The following CNTNAP3B variants were observed in gnomAD, a reference collection of about 807,000 sequenced individuals.
CNTNAP3B encodes contactin associated protein family member 3B, also known as contactin-associated protein-like 3B.
CNTNAP3B carries 25 observed loss-of-function variants against 108.9 expected under a neutral mutation model. That is an observed-to-expected ratio of 0.23 (90% confidence interval 0.17 to 0.32). The LOEUF is 0.32. Ranked by LOEUF, CNTNAP3B falls within the 10% of genes least tolerant of loss-of-function variation. The probability of loss-of-function intolerance (pLI) is 1.00; values close to 1 mark genes in which losing one functional copy is unlikely to be tolerated. For synonymous variants in CNTNAP3B, 103 were observed against 473.4 expected, an observed-to-expected ratio of 0.22 and a Z score of 10.16; for missense variants, 252 against 1,210.4, an observed-to-expected ratio of 0.21 and a Z score of 11.75.
chr9:42,041,290 G>A (rs942945466), intron 3 of CNTNAP3B, among the ~76,000 whole-genome samples: 1 of 144,074 alleles, frequency 6.9e-6, no homozygotes, highest in African/African-American at 2.7e-5. Context: ...TACCATCAGA[G>A]TGAACAGGCA....
At chr9:42,125,665 G>GTTTTTTTTTTTTTTTTTTTT (rs200934708) in intron 1 of CNTNAP3B, among the ~76,000 whole-genome samples, 1 of 118,972 alleles carries the variant, frequency 8.4e-6, no homozygotes. Flanking sequence ...TACATTTTTT[G>GTTTTTTTTTTTTTTTTTTTT]TTTTTTTTTT....
intron 13 of CNTNAP3B, among the ~76,000 whole-genome samples, chr9:41,942,115 G>A (rs1824365503): frequency 6.6e-6 from 1 of 152,286 alleles, no homozygotes; most frequent in Non-Finnish European, 1.5e-5. Flanking sequence ...AGGAAGCTGA[G>A]AAGCACTCTG....
At chr9:41,950,648 T>C (rs1282043451) in intron 13 of CNTNAP3B, among the ~76,000 whole-genome samples, 1 of 150,396 alleles carries the variant, frequency 6.6e-6, no homozygotes, top group Non-Finnish European at 1.5e-5. Context: ...ACATACTATA[T>C]AATTTCATTT....
At chr9:41,948,123 G>A (rs1434205623) in intron 13 of CNTNAP3B, among the ~76,000 whole-genome samples, 29 of 150,508 alleles carry the variant, frequency 1.9e-4, no homozygotes, top group South Asian at 6.3e-4. Flanking sequence ...ATGAAATCTC[G>A]TTCTGTTGTC....
chr9:41,979,754 T>G (rs1204646721), intron 9 of CNTNAP3B: 3 of 92,322 alleles, frequency 3.2e-5, no homozygotes, highest in Admixed American at 1.4e-4. Flanking sequence ...TAAATTTTTT[T>G]TGTGTGTGTA....
Position 42,107,959 on chromosome 9 carries a change from A to G in CNTNAP3B, c.86-3220T>C, listed in dbSNP as rs187831605. Among the ~76,000 whole-genome samples the G allele has an allele frequency of 8.5e-3, 950 of 111,270 alleles. 107 individuals are homozygous for G. The highest frequency in any genetic ancestry group is 0.033 in the African/African-American group (915 of 27,370). 73.0% of individuals were successfully genotyped at this position (111,270 alleles called of 152,430 possible). A position where few individuals can be genotyped will look rare whatever the true frequency, so the allele number is the denominator to read the frequency against. ...CAGTACACTCTAGGCTGGGCGACAG[A>G]GAAAGACTCCGTCTTAAAAAAAAAA... On this transcript the variant is annotated intron_variant, in intron 1 of 23. Transcript: ENST00000377561.
intron 1 of CNTNAP3B, among the ~76,000 whole-genome samples, chr9:42,117,321 CTG>C (rs1458340291): frequency 7.5e-6 from 1 of 133,900 alleles, no homozygotes; most frequent in Non-Finnish European, 1.6e-5. Context: ...TTATAACAAA[CTG>C]TCTCTCAGAC....
chr9:41,928,154 G>C (rs1823871095), intron 15 of CNTNAP3B, among the ~76,000 whole-genome samples: 1 of 152,276 alleles, frequency 6.6e-6, no homozygotes, highest in Non-Finnish European at 1.5e-5. Context: ...CACCCTACTT[G>C]CAAGCTAACA....
chr9:42,118,346 G>A (rs909652997), intron 1 of CNTNAP3B, among the ~76,000 whole-genome samples: 1 of 139,526 alleles, frequency 7.2e-6, no homozygotes, highest in African/African-American at 2.8e-5. Flanking sequence ...GCGGGCTTCA[G>A]CCCTGGGACG....
intron 3 of CNTNAP3B, among the ~76,000 whole-genome samples, chr9:42,062,977 C>T (rs1285826567): frequency 1.0e-5 from 1 of 98,654 alleles, no homozygotes; most frequent in Non-Finnish European, 2.2e-5. Context: ...TATTGTGTAA[C>T]CCTTAATGAA....
chr9:42,034,784 C>CT lies in CNTNAP3B; in HGVS notation c.391-21260_391-21259insA, dbSNP rs1187892460. The stretch of plus-strand genomic sequence containing the variant: ...CTGTCCCTTCAAGCCCCCATCCATT[C>CT]ACTCTACATCATGACTCCTTTTATA... On this transcript the variant is annotated intron_variant, in intron 3 of 23. Transcript: ENST00000377561. Among the ~76,000 whole-genome samples, 22 of 87,826 alleles carry CT rather than the reference C, an allele frequency of 2.5e-4. 6 individuals are homozygous for CT. The highest frequency in any genetic ancestry group is 5.1e-4 in the Non-Finnish European group (22 of 42,724). The allele number at this position is 87,826 out of a possible 152,430, so 57.6% of individuals were successfully genotyped here.
chr9:42,002,948 A>G (rs1398708628), intron 4 of CNTNAP3B, among the ~76,000 whole-genome samples: 3 of 126,334 alleles, frequency 2.4e-5, no homozygotes, highest in Non-Finnish European at 5.0e-5. Flanking sequence ...GTGCAGTGGT[A>G]CCTTCATAGC....
chr9:42,053,381 A>C lies in CNTNAP3B; in HGVS notation c.390+23488T>G, dbSNP rs1826994839. 2.2e-5 allele frequency among the ~76,000 whole-genome samples: 3 copies of C among 133,924 alleles called. No individual in the cohort carries two copies. In the South Asian group the frequency reaches 7.3e-4, roughly 32 times the overall value. The allele number at this position is 133,924 out of a possible 152,430, so 87.9% of individuals were successfully genotyped here. On this transcript the variant is annotated intron_variant, in intron 3 of 23. Coordinates refer to ENST00000377561, the MANE Select transcript of CNTNAP3B (RefSeq NM_001201380.3). The stretch of plus-strand genomic sequence containing the variant: ...ATTAGATTTGTCATGAATTGATGTC[A>C]TATGTATAATTTGGGGGAAAGGCCA...
intron 9 of CNTNAP3B, among the ~76,000 whole-genome samples, chr9:41,973,892 TG>T (rs2118277879): frequency 7.4e-6 from 1 of 134,386 alleles, no homozygotes; most frequent in Non-Finnish European, 1.6e-5. Context: ...GTTGCCAGGC[TG>T]GAGTGCAGTG....
At chr9:42,019,375 G>A (rs1826267276) in intron 3 of CNTNAP3B, among the ~76,000 whole-genome samples, 1 of 83,988 alleles carries the variant, frequency 1.2e-5, no homozygotes, top group South Asian at 4.1e-4. Context: ...AAATGTGGGT[G>A]ATGGTTCCAG....
chr9:42,070,453 G>C (rs1403445475), intron 3 of CNTNAP3B, among the ~76,000 whole-genome samples: 2 of 147,524 alleles, frequency 1.4e-5, no homozygotes, highest in Non-Finnish European at 3.0e-5. Context: ...CACCACACCT[G>C]GCAGCAGGGC....
chr9:42,016,916 T>C (rs532613341), intron 3 of CNTNAP3B, among the ~76,000 whole-genome samples: 92 of 151,310 alleles, frequency 6.1e-4, no homozygotes, highest in Admixed American at 5.1e-3. Context: ...CTGCAATTTG[T>C]GTGTGTGTGT....
intron 2 of CNTNAP3B, among the ~76,000 whole-genome samples, chr9:42,096,628 T>C (rs1254680762): frequency 8.0e-6 from 1 of 125,328 alleles, no homozygotes; most frequent in Non-Finnish European, 1.7e-5. Context: ...AAATGGCCTT[T>C]ATAGGAATTA....
In CNTNAP3B at chr9:41,953,202, C is replaced by T. The variant is rs773838281; in HGVS notation, c.2061G>A (p.Ala687=). The T allele has an allele frequency of 2.0e-6, 3 of 1,525,850 alleles. No individual in the cohort carries two copies. Among genetic ancestry groups the T allele is most frequent in the African/African-American group, 2.8e-5 (2 of 70,646 alleles). 94.5% of individuals were successfully genotyped at this position (1,525,850 alleles called of 1,614,324 possible). ...EQRLALRCGT[A]RRPDSRDGTP... is the part of the protein sequence containing the mutation. ...GCTTACCTCGTGAGTCCGGGCGCCG[C>T]GCTGTCCCGCAGCGCAGAGCCAGCC... Residue 687 remains alanine, a synonymous_variant, in exon 13 of 24, where the codon GCG becomes GCA. Coordinates refer to ENST00000377561, the MANE Select transcript of CNTNAP3B (RefSeq NM_001201380.3).
Sources: gnomAD v4.1 joint callset for allele counts (sites outside exome capture counted in the v4.1 genomes callset) on GRCh38, gnomAD v4.1.1 for gene constraint, MANE v1.5 for transcripts, NCBI Gene and HGNC (gene_info 2026-07-23, HGNC 2026-07-21) for gene names.